Variants in KCNN2 observed in about 807,000 individuals in gnomAD.
The protein encoded by KCNN2 is potassium calcium-activated channel subfamily N member 2.
KCNN2 carries 24 observed loss-of-function variants against 55.5 expected under a neutral mutation model. That is an observed-to-expected ratio of 0.43 (90% CI 0.31 to 0.61). KCNN2 has a LOEUF of 0.61. Among genes scored for constraint, KCNN2 ranks in the 20% least tolerant of loss-of-function variants. KCNN2 has a pLI of 0.08. For synonymous variants in KCNN2, 431 were observed against 336.1 expected (o/e 1.28, Z -3.09); for missense variants, 754 against 853.6 (o/e 0.88, Z 1.45).
intron 7 of KCNN2, among the ~76,000 whole-genome samples, chr5:114,493,920 C>A (rs1043857719): frequency 6.6e-6 from 1 of 152,018 alleles, no homozygotes; most frequent in Admixed American, 6.6e-5. Context: ...ATAAAAGATA[C>A]CAGAAATTAC....
chr5:114,066,949 A>T (rs115049802), intron 1 of KCNN2, among the ~76,000 whole-genome samples: 2,376 of 152,296 alleles, frequency 0.016, 56 homozygotes, highest in African/African-American at 0.054. Flanking sequence ...AGACTCACAT[A>T]ACTGAGCTCA....
chr5:114,143,597 AT>A (rs561718384), intron 1 of KCNN2, among the ~76,000 whole-genome samples: 10 of 152,124 alleles, frequency 6.6e-5, no homozygotes, highest in Admixed American at 2.6e-4. Flanking sequence ...ACCCAGAGCT[AT>A]GAACATCTGT....
intron 1 of KCNN2, among the ~76,000 whole-genome samples, chr5:114,159,093 G>T (rs770807100): frequency 6.6e-5 from 10 of 152,184 alleles, no homozygotes; most frequent in Non-Finnish European, 1.5e-4. Flanking sequence ...TTTTCAAAGG[G>T]AATGCTTTCG....
intron 5 of KCNN2, among the ~76,000 whole-genome samples, chr5:114,477,095 T>A (rs1762003446): frequency 6.6e-6 from 1 of 152,224 alleles, no homozygotes; most frequent in Non-Finnish European, 1.5e-5. Context: ...TCAAGGTTAC[T>A]ACATATTGTT....
chr5:114,311,951 C>G (rs754944690), intron 2 of KCNN2, among the ~76,000 whole-genome samples: 2 of 152,082 alleles, frequency 1.3e-5, no homozygotes, highest in Non-Finnish European at 2.9e-5. Flanking sequence ...TCTGAAAGTG[C>G]AGTACACACA....
intron 3 of KCNN2, among the ~76,000 whole-genome samples, chr5:114,442,109 G>T (rs1182366101): frequency 1.3e-5 from 2 of 152,044 alleles, no homozygotes; most frequent in Non-Finnish European, 2.9e-5. Flanking sequence ...CAACCTGGTT[G>T]GTTCCTGGTT....
At chr5:114,396,817 T>C (rs569917143) in intron 2 of KCNN2, among the ~76,000 whole-genome samples, 4 of 152,226 alleles carry the variant, frequency 2.6e-5, no homozygotes, top group African/African-American at 9.6e-5. Context: ...AGTGCTGGGG[T>C]TACAGGCGTG....
At chr5:114,220,735 A>C (rs1411631716) in intron 1 of KCNN2, among the ~76,000 whole-genome samples, 1 of 151,304 alleles carries the variant, frequency 6.6e-6, no homozygotes, top group Non-Finnish European at 1.5e-5. Flanking sequence ...CTGAGGCAGG[A>C]GAATTGCTTG....
chr5:114,327,439 C>A (rs979456754), intron 2 of KCNN2, among the ~76,000 whole-genome samples: 1 of 152,168 alleles, frequency 6.6e-6, no homozygotes, highest in Non-Finnish European at 1.5e-5. Flanking sequence ...GATCTGTTAA[C>A]ACAGATGTCA....
At chr5:114,129,614 C>A (rs1752009032) in intron 1 of KCNN2, among the ~76,000 whole-genome samples, 1 of 152,170 alleles carries the variant, frequency 6.6e-6, no homozygotes, top group Non-Finnish European at 1.5e-5. Context: ...TTCTGTGTAC[C>A]CATCTGGTGA....
chr5:114,120,588 G>A (rs1180123352), intron 1 of KCNN2, among the ~76,000 whole-genome samples: 2 of 152,162 alleles, frequency 1.3e-5, no homozygotes, highest in African/African-American at 2.4e-5. Flanking sequence ...ATACTGTGCT[G>A]AGAAAATCAA....
intron 5 of KCNN2, among the ~76,000 whole-genome samples, chr5:114,483,051 GAA>G (rs1232747490): frequency 7.0e-6 from 1 of 142,828 alleles, no homozygotes; most frequent in African/African-American, 2.6e-5. Flanking sequence ...AAATTTGAAG[GAA>G]AAAAAAAAAG....
At chr5:114,130,028 TG>T (rs984818348) in intron 1 of KCNN2, among the ~76,000 whole-genome samples, 1 of 152,178 alleles carries the variant, frequency 6.6e-6, no homozygotes, top group Non-Finnish European at 1.5e-5. Flanking sequence ...CACTGAATGT[TG>T]GCTATTGCTT....
intron 3 of KCNN2, among the ~76,000 whole-genome samples, chr5:114,450,879 C>T (rs543308190): frequency 1.0e-3 from 156 of 152,246 alleles, no homozygotes; most frequent in African/African-American, 3.7e-3. Flanking sequence ...ATAACAAAAA[C>T]CTGTTTATAA....
intron 3 of KCNN2, among the ~76,000 whole-genome samples, chr5:114,415,544 A>G (rs1045123623): frequency 1.3e-5 from 2 of 152,192 alleles, no homozygotes; most frequent in African/African-American, 2.4e-5. Context: ...ACAGAAATAT[A>G]TGGTCTTAAT....
intron 1 of KCNN2, among the ~76,000 whole-genome samples, chr5:114,131,622 T>C (rs1336003570): frequency 6.6e-6 from 1 of 152,258 alleles, no homozygotes; most frequent in African/African-American, 2.4e-5. Context: ...AATAAAATGA[T>C]TGAAATTCCT....
intron 1 of KCNN2, among the ~76,000 whole-genome samples, chr5:114,147,564 A>G (rs1269188349): frequency 6.6e-6 from 1 of 152,192 alleles, no homozygotes; most frequent in Non-Finnish European, 1.5e-5. Context: ...GTAAAGGCAA[A>G]TTTGGGTCAA....
chr5:114,368,769 C>T (rs930788293), intron 2 of KCNN2, among the ~76,000 whole-genome samples: 2 of 152,136 alleles, frequency 1.3e-5, no homozygotes, highest in African/African-American at 4.8e-5. Flanking sequence ...TATATACCTT[C>T]AGAATTTCAA....
intron 2 of KCNN2, among the ~76,000 whole-genome samples, chr5:114,239,664 G>A (rs910808696): frequency 2.0e-5 from 3 of 152,122 alleles, no homozygotes; most frequent in Non-Finnish European, 4.4e-5. Context: ...GCTTCCAGTG[G>A]TTACTCACAT....
Sources: gnomAD v4.1 joint callset for allele counts (sites outside exome capture counted in the v4.1 genomes callset) on GRCh38, gnomAD v4.1.1 for gene constraint, MANE v1.5 for transcripts, NCBI Gene and HGNC (gene_info 2026-07-23, HGNC 2026-07-21) for gene names.